The following ARHGAP26 variants were observed in gnomAD, a reference collection of about 807,000 sequenced individuals.
ARHGAP26 encodes rho GTPase-activating protein 26.
In ARHGAP26, 38 loss-of-function variants were observed where a neutral mutation model predicts 104.8. The observed-to-expected ratio is 0.36, with a 90% CI of 0.28 to 0.48. The LOEUF is 0.48. Ranked by LOEUF, ARHGAP26 falls within the 20% of genes least tolerant of loss-of-function variation. ARHGAP26 has a pLI of 0.99. For missense variants in ARHGAP26, 704 were observed against 947.9 expected (o/e 0.74, Z 3.38); for synonymous variants, 341 against 340.0 (o/e 1.00, Z -0.03).
chr5:143,011,303 CTTTTTTT>C (rs58841045), intron 11 of ARHGAP26, among the ~76,000 whole-genome samples: 1 of 110,988 alleles, frequency 9.0e-6, no homozygotes, highest in East Asian at 2.7e-4. Flanking sequence ...TAAACCCCCG[CTTTTTTT>C]TTTTTTTTTT....
rs543236138 is a variant in ARHGAP26 at position 142,907,931 on chromosome 5, A to T, written c.933+127A>T. 1.1e-5 allele frequency: 6 copies of T among 540,590 alleles called. No homozygotes were observed. In the Admixed American group the frequency reaches 1.7e-4, roughly 15 times the overall value. The allele number at this position is 540,590 out of a possible 1,614,324, so 33.5% of individuals were successfully genotyped here. On this transcript the variant is annotated intron_variant, in intron 9 of 22. Transcript: ENST00000645722. ...ATCATAAATTTAAAATTAATAATTT[A>T]AAAAATTTTTATATAGTAGTTCAGG...
chr5:143,160,432 A>T (rs1189675369), intron 20 of ARHGAP26, among the ~76,000 whole-genome samples: 2 of 151,602 alleles, frequency 1.3e-5, no homozygotes, highest in African/African-American at 4.8e-5. Context: ...ATGCTATTTG[A>T]CAGAAGAGTA....
intron 11 of ARHGAP26, among the ~76,000 whole-genome samples, chr5:142,942,458 C>G (rs1218033198): frequency 6.6e-6 from 1 of 152,204 alleles, no homozygotes; most frequent in East Asian, 1.9e-4. Context: ...ATATTTTGGG[C>G]TGTGTGCCTA....
At chr5:143,057,913 G>C in intron 17 of ARHGAP26, 166 bp downstream of exon 17, 1 of 727,342 alleles carries the variant, frequency 1.4e-6, no homozygotes, top group Non-Finnish European at 2.5e-6. Context: ...GTGGAGAACA[G>C]CAGCAAATGC....
intron 10 of ARHGAP26, among the ~76,000 whole-genome samples, chr5:142,916,100 C>T (rs763440996): frequency 6.6e-6 from 1 of 152,104 alleles, no homozygotes; most frequent in Non-Finnish European, 1.5e-5. Flanking sequence ...TATATTTAAT[C>T]GCATAAGGGT....
chr5:142,839,117 T>G (rs899945900), intron 1 of ARHGAP26, among the ~76,000 whole-genome samples: 3 of 152,240 alleles, frequency 2.0e-5, no homozygotes, highest in Non-Finnish European at 4.4e-5. Context: ...TTTCAGACGA[T>G]TCTTATGTAT....
rs187713603 is a variant in ARHGAP26 at position 143,201,740 on chromosome 5, C to A, written c.1989-5458C>A. Among the ~76,000 whole-genome samples, 370 of 152,308 alleles carry A rather than the reference C, an allele frequency of 2.4e-3. 1 individual carries two copies. The highest frequency in any genetic ancestry group is 8.2e-3 in the African/African-American group (340 of 41,570). On this transcript the variant is annotated intron_variant, in intron 20 of 22. Transcript: ENST00000645722. ...TTAGTTTTGCATCAGAACTAAAATACAATGTACTCTCTATTTCTTGTCTGT... is the reference window on the plus strand; with the variant it reads ...TTAGTTTTGCATCAGAACTAAAATAAAATGTACTCTCTATTTCTTGTCTGT...
chr5:142,793,545 G>A lies in ARHGAP26; in HGVS notation c.154+22630G>A, dbSNP rs145135401. The stretch of plus-strand genomic sequence containing the variant: ...GAGCTTTGCTGACAGTGAAGGCAGT[G>A]CTAGTTATCACCATTCTCTCAGTTG... On this transcript the variant is annotated intron_variant, in intron 1 of 22. Coordinates refer to ENST00000645722, the MANE Select transcript of ARHGAP26 (RefSeq NM_001135608.3). 7.0e-3 allele frequency among the ~76,000 whole-genome samples: 1,066 copies of A among 151,980 alleles called. 13 individuals carry two copies. The highest frequency in any genetic ancestry group is 0.024 in the African/African-American group (1,009 of 41,466).
intron 16 of ARHGAP26, among the ~76,000 whole-genome samples, chr5:143,056,548 T>G (rs1243834120): frequency 1.3e-5 from 2 of 152,106 alleles, no homozygotes; most frequent in Non-Finnish European, 2.9e-5. Context: ...TCTTTTCCAT[T>G]ATGTCTTCCA....
chr5:142,999,937 C>T (rs1439511152), intron 11 of ARHGAP26, among the ~76,000 whole-genome samples: 1 of 151,974 alleles, frequency 6.6e-6, no homozygotes, highest in Non-Finnish European at 1.5e-5. Flanking sequence ...AAAAGAAGAA[C>T]CTAACTAAAA....
chr5:143,176,863 TC>T (rs1179508082), intron 20 of ARHGAP26, among the ~76,000 whole-genome samples: 1 of 152,206 alleles, frequency 6.6e-6, no homozygotes, highest in Non-Finnish European at 1.5e-5. Flanking sequence ...AATCTCAGAA[TC>T]CGTAAATGCC....
At chr5:142,770,983 C>T in intron 1 of ARHGAP26, 68 bp downstream of exon 1, 3 of 1,494,340 alleles carry the variant, frequency 2.0e-6, no homozygotes, top group Non-Finnish European at 1.8e-6. Flanking sequence ...GCGCTTAGCC[C>T]GGGTTGCCCG....
At chr5:143,154,713 G>A (rs1449485994) in intron 20 of ARHGAP26, among the ~76,000 whole-genome samples, 8 of 152,126 alleles carry the variant, frequency 5.3e-5, no homozygotes, top group Admixed American at 2.6e-4. Context: ...GGGTAGACAC[G>A]CCACACCCTG....
chr5:143,216,146 G>T, intron 22 of ARHGAP26: 1 of 471,626 alleles, frequency 2.1e-6, no homozygotes, highest in Non-Finnish European at 4.4e-6. Flanking sequence ...AGGAAGAGAA[G>T]CCTGGATGAT....
chr5:142,890,187 T>C (rs1474143394), intron 5 of ARHGAP26, among the ~76,000 whole-genome samples: 1 of 116,762 alleles, frequency 8.6e-6, no homozygotes, highest in Non-Finnish European at 1.8e-5. Flanking sequence ...TATATATATA[T>C]ATATATATAT....
At chr5:142,813,326 A>G (rs1764486776) in intron 1 of ARHGAP26, among the ~76,000 whole-genome samples, 1 of 152,218 alleles carries the variant, frequency 6.6e-6, no homozygotes, top group African/African-American at 2.4e-5. Context: ...CTGAAAGGCA[A>G]TACCAGGTCA....
At chr5:142,999,883 G>GGACATATCCAGAATGTATAGAGAT (rs1776955270) in intron 11 of ARHGAP26, among the ~76,000 whole-genome samples, 3 of 152,068 alleles carry the variant, frequency 2.0e-5, no homozygotes, top group African/African-American at 7.2e-5. Context: ...ATCTGACAAA[G>GGACATATCCAGAATGTATAGAGAT]GACATATCCA....
chr5:143,214,874 A>G (rs561545679), intron 22 of ARHGAP26, among the ~76,000 whole-genome samples: 1 of 152,332 alleles, frequency 6.6e-6, no homozygotes, highest in East Asian at 1.9e-4. Context: ...ATTCCCTTTT[A>G]TCGTTCTCAA....
intron 17 of ARHGAP26, among the ~76,000 whole-genome samples, chr5:143,085,026 C>T (rs1790355688): frequency 8.3e-6 from 1 of 120,026 alleles, no homozygotes; most frequent in African/African-American, 3.3e-5. Context: ...GCCTGGGCAA[C>T]AGAGCAAGAC....
Sources: allele counts gnomAD v4.1 joint callset (sites outside exome capture counted in the v4.1 genomes callset), GRCh38; gene constraint gnomAD v4.1.1; transcripts MANE v1.5; gene names NCBI Gene and HGNC (gene_info 2026-07-23, HGNC 2026-07-21).